GRM5: variants seen among roughly 807,000 people sequenced by gnomAD.
GRM5 encodes the protein metabotropic glutamate receptor 5.
In GRM5, 19 loss-of-function variants were observed where a neutral mutation model predicts 83.1. The ratio of observed to expected loss-of-function variants is 0.23; its 90% CI spans 0.16 to 0.34. The LOEUF (loss-of-function observed/expected upper bound fraction) is 0.34, where lower values mean the gene tolerates loss of function less well. Ranked by LOEUF, GRM5 falls within the 10% of genes least tolerant of loss-of-function variation. The pLI is 1.00. For synonymous variants in GRM5, 675 were observed against 633.6 expected (o/e 1.07, Z -0.98); for missense variants, 1,160 against 1,588.3 (o/e 0.73, Z 4.58).
chr11:88,913,742 A>C (rs1336454707), intron 2 of GRM5, among the ~76,000 whole-genome samples: 1 of 151,826 alleles, frequency 6.6e-6, no homozygotes, highest in Admixed American at 6.6e-5. Flanking sequence ...ATGTGCTCCC[A>C]TGCCAGGCTA....
intron 3 of GRM5, among the ~76,000 whole-genome samples, chr11:88,743,857 A>G (rs1942078884): frequency 6.6e-6 from 1 of 152,180 alleles, no homozygotes; most frequent in African/African-American, 2.4e-5. Context: ...GATTGACCAC[A>G]CATACAGATT....
At chr11:88,774,099 C>T (rs1440364617) in intron 3 of GRM5, among the ~76,000 whole-genome samples, 1 of 152,136 alleles carries the variant, frequency 6.6e-6, no homozygotes, top group Non-Finnish European at 1.5e-5. Context: ...GAAAGTTTCT[C>T]CATTTGTTCA....
chr11:88,572,129 T>G (rs188771703), intron 7 of GRM5, among the ~76,000 whole-genome samples: 2 of 152,324 alleles, frequency 1.3e-5, no homozygotes, highest in Admixed American at 1.3e-4. Context: ...CTGTTTGTAC[T>G]GGGTCTGACC....
chr11:88,585,390 C>G (rs1024583786), intron 7 of GRM5, among the ~76,000 whole-genome samples: 3 of 152,186 alleles, frequency 2.0e-5, no homozygotes, highest in Non-Finnish European at 4.4e-5. Context: ...AGTGAAAGTG[C>G]TAGATACACA....
intron 3 of GRM5, among the ~76,000 whole-genome samples, chr11:88,679,656 G>A (rs767625444): frequency 6.6e-6 from 1 of 152,034 alleles, no homozygotes; most frequent in Non-Finnish European, 1.5e-5. Flanking sequence ...ATACTTTTAT[G>A]AGTCCCTTTA....
chr11:88,956,662 C>T (rs1473226035), intron 2 of GRM5, among the ~76,000 whole-genome samples: 1 of 152,086 alleles, frequency 6.6e-6, no homozygotes, highest in African/African-American at 2.4e-5. Context: ...AAAAATTAGC[C>T]GGGCGCGGTG....
intron 8 of GRM5, among the ~76,000 whole-genome samples, chr11:88,537,325 G>A (rs975822307): frequency 6.6e-6 from 1 of 152,148 alleles, no homozygotes; most frequent in Non-Finnish European, 1.5e-5. Context: ...TCTGGCTGGA[G>A]TTTTCCTAGA....
At chr11:88,586,269 G>C (rs1943313895) in intron 7 of GRM5, among the ~76,000 whole-genome samples, 2 of 152,074 alleles carry the variant, frequency 1.3e-5, no homozygotes, top group Non-Finnish European at 2.9e-5. Context: ...TAAATATATA[G>C]GTAGACATTA....
intron 3 of GRM5, among the ~76,000 whole-genome samples, chr11:88,664,353 TG>T (rs1939984437): frequency 6.6e-6 from 1 of 152,082 alleles, no homozygotes; most frequent in African/African-American, 2.4e-5. Context: ...TGGATGGTTG[TG>T]TCTGTACTGA....
chr11:88,935,459 A>T (rs1024991778), intron 2 of GRM5, among the ~76,000 whole-genome samples: 1 of 151,960 alleles, frequency 6.6e-6, no homozygotes, highest in African/African-American at 2.4e-5. Flanking sequence ...ATTGCTAAAA[A>T]GGGGCAGAGA....
chr11:89,046,845 C>T (rs1453727641), intron 2 of GRM5, among the ~76,000 whole-genome samples: 5 of 151,976 alleles, frequency 3.3e-5, no homozygotes, highest in African/African-American at 1.2e-4. Context: ...GCACCTAGAA[C>T]AATCGCGAAA....
chr11:88,812,038 C>G (rs149512292), intron 3 of GRM5, among the ~76,000 whole-genome samples: 11 of 152,156 alleles, frequency 7.2e-5, no homozygotes, highest in African/African-American at 2.4e-4. Context: ...TTTCTGCCTT[C>G]AAGTGGTTAC....
At chr11:88,870,050 G>T (rs1036230658) in intron 2 of GRM5, among the ~76,000 whole-genome samples, 1 of 151,600 alleles carries the variant, frequency 6.6e-6, no homozygotes, top group African/African-American at 2.4e-5. Context: ...TAGAACTTTA[G>T]TTAGGCCACA....
intron 3 of GRM5, among the ~76,000 whole-genome samples, chr11:88,661,854 T>C (rs1157462049): frequency 6.6e-6 from 1 of 152,080 alleles, no homozygotes; most frequent in Admixed American, 6.6e-5. Context: ...AAATTTTAAA[T>C]TAAGGTTCTT....
Position 88,684,219 on chromosome 11 carries a change from C to T in GRM5, c.912-30816G>A, listed in dbSNP as rs141092827. On this transcript the variant is annotated intron_variant, in intron 3 of 9. Transcript: ENST00000305447. ...TACTTTGAATAGGTAGAGAGGAACA[C>T]GATCACATTTGATTTGTAAATCATT... Among the ~76,000 whole-genome samples the T allele has an allele frequency of 1.7e-4, 26 of 152,212 alleles. No individual in the cohort carries two copies. In the East Asian group the frequency reaches 3.5e-3, roughly 20 times the overall value.
chr11:88,706,714 T>C (rs1022886765), intron 3 of GRM5, among the ~76,000 whole-genome samples: 1 of 152,112 alleles, frequency 6.6e-6, no homozygotes, highest in African/African-American at 2.4e-5. Context: ...GTTCTGCCTT[T>C]AAGTATTTTT....
chr11:88,742,069 A>G (rs540936383), intron 3 of GRM5, among the ~76,000 whole-genome samples: 10 of 152,046 alleles, frequency 6.6e-5, no homozygotes, highest in African/African-American at 2.2e-4. Context: ...TGTGCCACAG[A>G]TATTTATAGA....
At chr11:88,821,586 T>G (rs6416019) in intron 3 of GRM5, among the ~76,000 whole-genome samples, 74,313 of 151,858 alleles carry the variant, frequency 0.49, 21,444 homozygotes, top group African/African-American at 0.76. Context: ...TGATAGGTCA[T>G]TTGATATTCC....
intron 1 of GRM5, among the ~76,000 whole-genome samples, chr11:89,064,886 C>CTGTGTG (rs1477202270): frequency 1.4e-5 from 1 of 72,784 alleles, no homozygotes; most frequent in African/African-American, 5.4e-5. Context: ...CTCTCTCTCT[C>CTGTGTG]TCTGTGTGTG....
Sources: gnomAD v4.1 joint callset for allele counts (sites outside exome capture counted in the v4.1 genomes callset) on GRCh38, gnomAD v4.1.1 for gene constraint, MANE v1.5 for transcripts, NCBI Gene and HGNC (gene_info 2026-07-23, HGNC 2026-07-21) for gene names.